Variants in PPP1R36 observed in about 807,000 individuals in gnomAD.
The protein encoded by PPP1R36 is chromosome 14 open reading frame 50.
A neutral mutation model predicts 53.4 loss-of-function variants in PPP1R36; 47 were observed. The ratio of observed to expected loss-of-function variants is 0.88; its 90% CI spans 0.70 to 1.12. The LOEUF (loss-of-function observed/expected upper bound fraction) is 1.12, where lower values mean the gene tolerates loss of function less well. Among genes scored for constraint, PPP1R36 ranks in the 50% most tolerant of loss-of-function variants. The probability of loss-of-function intolerance (pLI) is 0.00; values close to 1 mark genes in which losing one functional copy is unlikely to be tolerated. For missense variants in PPP1R36, 456 were observed against 513.9 expected (o/e 0.89, Z 1.09); for synonymous variants, 153 against 170.5 (o/e 0.90, Z 0.80).
intron 4 of PPP1R36, 116 bp downstream of exon 4, chr14:64,564,953 AC>A (rs2080237615): frequency 1.5e-6 from 1 of 683,740 alleles, no homozygotes; most frequent in Non-Finnish European, 2.5e-6. Context: ...CAATGCGAAT[AC>A]CCATCAAAGA....
chr14:64,550,353 TACTGCGGGGG>T, intron 1 of PPP1R36: 1 of 1,097,682 alleles, frequency 9.1e-7, no homozygotes, highest in Non-Finnish European at 1.2e-6. Flanking sequence ...TAGGGAGACC[TACTGCGGGGG>T]AAGCAGCCCC....
chr14:64,562,997 G>T (rs947211117), intron 3 of PPP1R36, among the ~76,000 whole-genome samples: 1 of 152,100 alleles, frequency 6.6e-6, no homozygotes, highest in African/African-American at 2.4e-5. Context: ...CTCCCAGGTA[G>T]CTGGGATTAC....
chr14:64,559,770 C>T (rs976803585), intron 3 of PPP1R36, among the ~76,000 whole-genome samples: 2 of 152,130 alleles, frequency 1.3e-5, no homozygotes, highest in Non-Finnish European at 2.9e-5. Context: ...TTAGATGGCA[C>T]AGGGGAGTCA....
chr14:64,587,459 T>TCC, intron 10 of PPP1R36, 87 bp downstream of exon 10: 5 of 603,528 alleles, frequency 8.3e-6, no homozygotes, highest in African/African-American at 8.1e-5. Flanking sequence ...TTTTTTTTTT[T>TCC]TTTTTTTTTT....
chr14:64,577,760 C>G (rs1179280252), intron 8 of PPP1R36, among the ~76,000 whole-genome samples: 1 of 129,926 alleles, frequency 7.7e-6, no homozygotes, highest in Non-Finnish European at 1.6e-5. Context: ...GAATCTCACT[C>G]TGTCACCCAG....
At chr14:64,556,762 ATGTG>A (rs369620598) in intron 3 of PPP1R36, among the ~76,000 whole-genome samples, 104 of 134,058 alleles carry the variant, frequency 7.8e-4, no homozygotes, top group East Asian at 3.5e-3. Flanking sequence ...TCTCCAAAAA[ATGTG>A]TGTGTGTGTG....
At chr14:64,552,577 CA>C in intron 2 of PPP1R36, 2 of 343,764 alleles carry the variant, frequency 5.8e-6, no homozygotes, top group South Asian at 5.4e-5. Context: ...GGCTGTTGGA[CA>C]AATGGGGGCT....
chr14:64,571,930 T>G (rs1191758824), intron 7 of PPP1R36, among the ~76,000 whole-genome samples: 1 of 152,052 alleles, frequency 6.6e-6, no homozygotes, highest in Non-Finnish European at 1.5e-5. Context: ...TGAAACAGCA[T>G]GGGAAAGACC....
At chr14:64,587,693 C>G (rs1239125570) in intron 10 of PPP1R36, among the ~76,000 whole-genome samples, 1 of 151,752 alleles carries the variant, frequency 6.6e-6, no homozygotes, top group Non-Finnish European at 1.5e-5. Context: ...AACTCCTAAC[C>G]TCAGCTGATT....
intron 2 of PPP1R36, chr14:64,551,579 T>C (rs1379548589): frequency 8.8e-6 from 4 of 456,150 alleles, no homozygotes; most frequent in Non-Finnish European, 1.3e-5. Context: ...TTTGCATATT[T>C]TTCCAATTCT....
At chr14:64,562,740 A>G (rs1025757298) in intron 3 of PPP1R36, among the ~76,000 whole-genome samples, 5 of 152,124 alleles carry the variant, frequency 3.3e-5, no homozygotes, top group African/African-American at 1.2e-4. Flanking sequence ...ACACTGGGAC[A>G]TGGGTCAGCC....
At chr14:64,578,910 T>C (rs911625084) in intron 8 of PPP1R36, among the ~76,000 whole-genome samples, 1 of 152,188 alleles carries the variant, frequency 6.6e-6, no homozygotes, top group Non-Finnish European at 1.5e-5. Flanking sequence ...GTTTACACCT[T>C]GGAATACTCT....
Position 64,568,452 on chromosome 14 carries a change from G to A in PPP1R36, c.533+5G>A, listed in dbSNP as rs773058146. The A allele has an allele frequency of 3.6e-6, 5 of 1,399,040 alleles. No homozygotes were observed. The highest frequency in any genetic ancestry group is 4.9e-6 in the Non-Finnish European group (5 of 1,012,666). The allele number at this position is 1,399,040 out of a possible 1,614,324, so 86.7% of individuals were successfully genotyped here. The stretch of plus-strand genomic sequence containing the variant: ...GAAACCCAAAAGCTATATGGTGTAA[G>A]TAAGATTTTATAGTGTGCTTTAGAG... On this transcript the variant is annotated splice_donor_5th_base_variant and intron_variant, in intron 7 of 11. Transcript: ENST00000298705.
At chr14:64,576,201 C>T (rs2140240827) in intron 8 of PPP1R36, among the ~76,000 whole-genome samples, 1 of 151,570 alleles carries the variant, frequency 6.6e-6, no homozygotes, top group East Asian at 1.9e-4. Flanking sequence ...CTGTCTCGGC[C>T]TCCCGAGTAG....
chr14:64,569,993 C>T (rs1330010122), intron 7 of PPP1R36, among the ~76,000 whole-genome samples: 1 of 151,930 alleles, frequency 6.6e-6, no homozygotes, highest in Non-Finnish European at 1.5e-5. Flanking sequence ...CCTGCCCCAA[C>T]CTCCCAAAGT....
At chr14:64,556,773 T>TGTGTGTGC in intron 3 of PPP1R36, among the ~76,000 whole-genome samples, 1 of 148,774 alleles carries the variant, frequency 6.7e-6, no homozygotes, top group African/African-American at 2.4e-5. Context: ...TGTGTGTGTG[T>TGTGTGTGC]GTGTGTGTGT....
chr14:64,551,151 C>T (rs2080091390), intron 2 of PPP1R36, among the ~76,000 whole-genome samples, 166 bp downstream of exon 2: 1 of 152,218 alleles, frequency 6.6e-6, no homozygotes, highest in African/African-American at 2.4e-5. Context: ...TTACCAGCTG[C>T]TTCACATGGA....
chr14:64,553,882 G>C (rs2080120133), intron 3 of PPP1R36, among the ~76,000 whole-genome samples: 1 of 151,106 alleles, frequency 6.6e-6, no homozygotes, highest in Admixed American at 6.6e-5. Context: ...TACACAAACT[G>C]GGGGGCCGTT....
At chr14:64,551,764 C>T (rs1483123522) in intron 2 of PPP1R36, 1 of 432,286 alleles carries the variant, frequency 2.3e-6, no homozygotes, top group Non-Finnish European at 4.7e-6. Flanking sequence ...CTGTCTCCCT[C>T]AACTAGACAG....
Sources: allele counts gnomAD v4.1 joint callset (sites outside exome capture counted in the v4.1 genomes callset), GRCh38; gene constraint gnomAD v4.1.1; transcripts MANE v1.5; gene names NCBI Gene and HGNC (gene_info 2026-07-23, HGNC 2026-07-21).